The following S100Z variants were observed in gnomAD, a reference collection of about 807,000 sequenced individuals.
The protein encoded by S100Z is S100 calcium binding protein Z, also known as protein S100-Z.
Under a neutral mutation model 8.5 loss-of-function variants are expected in S100Z, and 11 were observed. That is an observed-to-expected ratio of 1.30 (90% CI 0.82 to 2.15). The LOEUF is 2.15. S100Z is among the 30% of genes most tolerant of loss of function. The probability of loss-of-function intolerance (pLI) is 0.00; values close to 1 mark genes in which losing one functional copy is unlikely to be tolerated. For missense variants in S100Z, 126 were observed against 117.9 expected (o/e 1.07, Z -0.32); for synonymous variants, 34 against 43.8 (o/e 0.78, Z 0.89).
intron 1 of S100Z, among the ~76,000 whole-genome samples, chr5:76,861,740 G>A (rs1272285830): frequency 6.6e-6 from 1 of 152,208 alleles, no homozygotes; most frequent in African/African-American, 2.4e-5. Context: ...AATGTGACTG[G>A]CTGAGGTTCA....
chr5:76,945,375 G>T, the S100Z span, among the ~76,000 whole-genome samples: 3 of 152,196 alleles, frequency 2.0e-5, no homozygotes, highest in Admixed American at 6.5e-5. Context: ...CCCATGAAGG[G>T]TCTGTGCTGA....
intron 4 of S100Z, among the ~76,000 whole-genome samples, chr5:76,919,594 CTCTT>C (rs1344532462): frequency 1.9e-4 from 27 of 138,670 alleles, no homozygotes; most frequent in East Asian, 1.4e-3. Context: ...CTCTCTCCCT[CTCTT>C]TCTTTTTCTC....
At chr5:76,896,952 G>A (rs1456319922) in intron 4 of S100Z, among the ~76,000 whole-genome samples, 1 of 152,036 alleles carries the variant, frequency 6.6e-6, no homozygotes, top group Non-Finnish European at 1.5e-5. Flanking sequence ...TGTCAGATGG[G>A]GAGTTTGCAC....
At chr5:76,885,762 G>T (rs72501390) in intron 4 of S100Z, among the ~76,000 whole-genome samples, 1,801 of 150,388 alleles carry the variant, frequency 0.012, 42 homozygotes, top group East Asian at 0.098. Context: ...AGTGGAGAAG[G>T]GATAGAGACA....
the S100Z span, among the ~76,000 whole-genome samples, chr5:76,932,003 G>A: frequency 6.6e-6 from 1 of 151,652 alleles, no homozygotes; most frequent in African/African-American, 2.4e-5. Flanking sequence ...TTTCTAACAT[G>A]GATTATTATT....
chr5:76,894,741 A>G (rs189622746), intron 4 of S100Z, among the ~76,000 whole-genome samples: 40 of 151,974 alleles, frequency 2.6e-4, no homozygotes, highest in African/African-American at 8.9e-4. Context: ...GATTACAGGC[A>G]TGCACTACCA....
chr5:76,952,850 T>G, the S100Z span: 3 of 446,372 alleles, frequency 6.7e-6, no homozygotes, highest in East Asian at 1.1e-4. Context: ...TAAGTTGTAG[T>G]GACTGAAATC....
chr5:76,924,799 A>G (rs35244457), downstream of S100Z, among the ~76,000 whole-genome samples: 11,932 of 152,044 alleles, frequency 0.078, 1,566 homozygotes, highest in African/African-American at 0.27. Context: ...AATCCCAGCT[A>G]CCACTCTGGA....
At chr5:76,939,485 G>A in the S100Z span, among the ~76,000 whole-genome samples, 3 of 148,756 alleles carry the variant, frequency 2.0e-5, no homozygotes, top group East Asian at 6.1e-4. Flanking sequence ...CATATAAAGG[G>A]TGAAATAGTA....
intron 2 of S100Z, among the ~76,000 whole-genome samples, chr5:76,874,062 C>T (rs934209710): frequency 6.6e-6 from 1 of 152,104 alleles, no homozygotes; most frequent in African/African-American, 2.4e-5. Context: ...CAGCTCCCAA[C>T]ATAGTATTAT....
intron 2 of S100Z, among the ~76,000 whole-genome samples, chr5:76,873,333 G>A (rs1473404361): frequency 1.4e-5 from 1 of 72,952 alleles, no homozygotes; most frequent in East Asian, 3.6e-4. Flanking sequence ...TTTTTGAGAC[G>A]GAGTCTCACT....
At chr5:76,859,491 G>A (rs765933156) in intron 1 of S100Z, among the ~76,000 whole-genome samples, 13 of 152,010 alleles carry the variant, frequency 8.6e-5, no homozygotes, top group Non-Finnish European at 1.5e-4. Context: ...TTTAAAGTGA[G>A]AAGCCTCGGC....
At chr5:76,888,483 C>T (rs1206407559) in intron 4 of S100Z, among the ~76,000 whole-genome samples, 5 of 144,472 alleles carry the variant, frequency 3.5e-5, no homozygotes, top group African/African-American at 5.1e-5. Flanking sequence ...TCACGCCATT[C>T]TCCTGTCTCA....
intron 4 of S100Z, 123 bp downstream of exon 4, chr5:76,877,957 A>C: frequency 1.9e-6 from 1 of 524,878 alleles, no homozygotes. Flanking sequence ...CAGTGCATAT[A>C]TTAATAATTA....
At chr5:76,878,423 G>C (rs559053594) in intron 4 of S100Z, among the ~76,000 whole-genome samples, 10 of 152,290 alleles carry the variant, frequency 6.6e-5, no homozygotes, top group Non-Finnish European at 8.8e-5. Flanking sequence ...CCCTTGGGTT[G>C]GATAATTCTG....
chr5:76,942,146 G>A, the S100Z span, among the ~76,000 whole-genome samples: 1 of 151,714 alleles, frequency 6.6e-6, no homozygotes, highest in Non-Finnish European at 1.5e-5. Context: ...ACAGAGTCTT[G>A]CTTTGTTGCC....
chr5:76,918,022 G>A (rs1744908144), intron 4 of S100Z, among the ~76,000 whole-genome samples: 1 of 151,990 alleles, frequency 6.6e-6, no homozygotes, highest in Non-Finnish European at 1.5e-5. Context: ...CTATCTGTAG[G>A]TTAATTCCTA....
At chr5:76,890,735 G>T (rs749511414) in intron 4 of S100Z, among the ~76,000 whole-genome samples, 1 of 152,194 alleles carries the variant, frequency 6.6e-6, no homozygotes, top group Non-Finnish European at 1.5e-5. Context: ...GTGTCCAAGG[G>T]CATGAGATGG....
intron 4 of S100Z, among the ~76,000 whole-genome samples, chr5:76,884,567 A>G (rs1743530164): frequency 6.6e-6 from 1 of 152,232 alleles, no homozygotes; most frequent in South Asian, 2.1e-4. Flanking sequence ...GTCTGATGAG[A>G]AAGAGCCTAA....
Sources: gnomAD v4.1 joint callset for allele counts (sites outside exome capture counted in the v4.1 genomes callset) on GRCh38, gnomAD v4.1.1 for gene constraint, MANE v1.5 for transcripts, NCBI Gene and HGNC (gene_info 2026-07-23, HGNC 2026-07-21) for gene names.